Variants in CTXN3 observed in about 807,000 individuals in gnomAD.
The protein encoded by CTXN3 is cortexin-3.
A neutral mutation model predicts 5.0 loss-of-function variants in CTXN3; 4 were observed. The observed-to-expected ratio is 0.79, with a 90% confidence interval of 0.39 to 1.82. CTXN3 has a LOEUF of 1.82. Among genes scored for constraint, CTXN3 ranks in the 40% most tolerant of loss-of-function variants. The pLI is 0.04. For missense variants in CTXN3, 89 were observed against 99.7 expected, an observed-to-expected ratio of 0.89 and a Z score of 0.46; for synonymous variants, 48 against 38.6, an observed-to-expected ratio of 1.24 and a Z score of -0.91.
intron 2 of CTXN3, among the ~76,000 whole-genome samples, chr5:127,655,972 A>G (rs1486752418): frequency 6.6e-6 from 1 of 152,192 alleles, no homozygotes; most frequent in African/African-American, 2.4e-5. Flanking sequence ...TGAAGTGTCA[A>G]TATAATGCAA....
At chr5:127,650,958 A>T (rs1749772593) in intron 1 of CTXN3, among the ~76,000 whole-genome samples, 1 of 152,164 alleles carries the variant, frequency 6.6e-6, no homozygotes, top group African/African-American at 2.4e-5. Flanking sequence ...CAGTATCAGG[A>T]TGTGTATTAC....
intron 2 of CTXN3, among the ~76,000 whole-genome samples, chr5:127,655,517 T>G (rs889640403): frequency 6.6e-6 from 1 of 152,200 alleles, no homozygotes; most frequent in African/African-American, 2.4e-5. Flanking sequence ...GCCCAGCCCT[T>G]GGAGAATTTT....
At chr5:127,653,812 G>A (rs1749844926) in intron 2 of CTXN3, 1 of 152,182 alleles carries the variant, frequency 6.6e-6, no homozygotes, top group African/African-American at 2.4e-5. Flanking sequence ...AAATCAAGCA[G>A]ACTCTTCCAG....
At chr5:127,655,606 G>T (rs540409023) in intron 2 of CTXN3, among the ~76,000 whole-genome samples, 3 of 152,208 alleles carry the variant, frequency 2.0e-5, no homozygotes, top group African/African-American at 4.8e-5. Flanking sequence ...GAGGAGACCT[G>T]CATTGGAGGC....
At chr5:127,650,285 C>T (rs1749756801) in intron 1 of CTXN3, among the ~76,000 whole-genome samples, 1 of 152,142 alleles carries the variant, frequency 6.6e-6, no homozygotes, top group African/African-American at 2.4e-5. Context: ...TGGGGGCTGG[C>T]AACAGTTCTG....
rs1479766266 is a variant in CTXN3 at position 127,657,399 on chromosome 5, C to T, written c.-99-24C>T. 18 of 1,110,668 alleles carry T rather than the reference C, an allele frequency of 1.6e-5. No homozygotes were observed. In the East Asian group the frequency reaches 3.3e-4, roughly 21 times the overall value. The allele number at this position is 1,110,668 out of a possible 1,614,324, so 68.8% of individuals were successfully genotyped here. A position where few individuals can be genotyped will look rare whatever the true frequency, so the allele number is the denominator to read the frequency against. On this transcript the variant is annotated intron_variant, in intron 2 of 2. Transcript: ENST00000379445. ...TAAGGCTGCTATTTTATAGGTATTCCTTTCCCTTCCTTTTTCCCTGCAGAT... is the reference window on the plus strand; with the variant it reads ...TAAGGCTGCTATTTTATAGGTATTCTTTTCCCTTCCTTTTTCCCTGCAGAT...
At position 127,658,607 on chromosome 5, in the gene CTXN3, C is replaced by G. The variant is rs1164956489; in HGVS notation, c.*840C>G. 1 of 166,702 alleles carries G rather than the reference C, an allele frequency of 6.0e-6. No homozygotes were observed. The highest frequency in any genetic ancestry group is 1.9e-4 in the East Asian group (1 of 5,194). 10.3% of individuals were successfully genotyped at this position (166,702 alleles called of 1,614,324 possible). The stretch of plus-strand genomic sequence containing the variant: ...GTGTATTTATGATTGTATATAGTCA[C>G]CAAATAAAACTTTTCAAGAAACAGA... On this transcript the variant is annotated 3_prime_UTR_variant, in exon 3 of 3. Coordinates refer to ENST00000379445, the MANE Select transcript of CTXN3 (RefSeq NM_001048252.3).
chr5:127,650,098 T>C (rs1026073690), intron 1 of CTXN3, among the ~76,000 whole-genome samples: 2 of 151,952 alleles, frequency 1.3e-5, no homozygotes, highest in Middle Eastern at 3.2e-3. Flanking sequence ...AAGATGAAGA[T>C]GGGGAAGAAG....
chr5:127,653,925 C>A (rs1057234531), intron 2 of CTXN3, among the ~76,000 whole-genome samples: 7 of 152,156 alleles, frequency 4.6e-5, no homozygotes, highest in Admixed American at 1.3e-4. Context: ...TACCCACCAT[C>A]CCTCATCCCT....
intron 1 of CTXN3, chr5:127,652,296 G>C (rs1162746478): frequency 6.6e-6 from 1 of 152,204 alleles, no homozygotes; most frequent in Non-Finnish European, 1.5e-5. Context: ...TTGATGACTT[G>C]TGCTTTTGTT....
At chr5:127,656,780 C>G (rs534183685) in intron 2 of CTXN3, among the ~76,000 whole-genome samples, 20 of 152,230 alleles carry the variant, frequency 1.3e-4, no homozygotes, top group Admixed American at 9.8e-4. Context: ...TATTACAGCA[C>G]CATGAAAGAT....
chr5:127,654,064 T>C (rs1749851521), intron 2 of CTXN3, among the ~76,000 whole-genome samples: 1 of 152,182 alleles, frequency 6.6e-6, no homozygotes, highest in South Asian at 2.1e-4. Flanking sequence ...TTTCCCCTCC[T>C]TCAGGTGGGA....
intron 2 of CTXN3, among the ~76,000 whole-genome samples, chr5:127,655,336 T>A (rs558646239): frequency 9.3e-4 from 141 of 152,288 alleles, no homozygotes; most frequent in African/African-American, 3.2e-3. Context: ...AGAACAGGAC[T>A]CTGGCCTCAT....
At chr5:127,652,909 C>T (rs1308054968) in intron 1 of CTXN3, 1 of 152,146 alleles carries the variant, frequency 6.6e-6, no homozygotes, top group Non-Finnish European at 1.5e-5. Context: ...AAATAAAACT[C>T]AGATCTTAAA....
In CTXN3 at chr5:127,657,895, T is replaced by C; in HGVS notation, c.*128T>C. The C allele has an allele frequency of 2.6e-6, 3 of 1,132,290 alleles. No individual in the cohort carries two copies. Among genetic ancestry groups the C allele is most frequent in the Non-Finnish European group, 3.7e-6 (3 of 801,466 alleles). 70.1% of individuals were successfully genotyped at this position (1,132,290 alleles called of 1,614,324 possible). On this transcript the variant is annotated 3_prime_UTR_variant, in exon 3 of 3. Coordinates refer to ENST00000379445, the MANE Select transcript of CTXN3 (RefSeq NM_001048252.3). Reference sequence around the variant, plus strand: ...TTGGTCCCAGGACCATAATCCATTATTCCATAAATATGCAGTTGGGTTAAA... The same window carrying C: ...TTGGTCCCAGGACCATAATCCATTACTCCATAAATATGCAGTTGGGTTAAA...
chr5:127,649,829 A>T (rs1749747474), intron 1 of CTXN3, among the ~76,000 whole-genome samples: 1 of 152,150 alleles, frequency 6.6e-6, no homozygotes, highest in South Asian at 2.1e-4. Flanking sequence ...TCCCTGGCTG[A>T]TAAGCTGTGT....
At chr5:127,649,735 C>A (rs962781989) in intron 1 of CTXN3, among the ~76,000 whole-genome samples, 1 of 151,790 alleles carries the variant, frequency 6.6e-6, no homozygotes, top group Non-Finnish European at 1.5e-5. Flanking sequence ...CCTAAAACGT[C>A]CAACCTTCCA....
At chr5:127,650,313 C>G (rs1232309248) in intron 1 of CTXN3, among the ~76,000 whole-genome samples, 1 of 152,108 alleles carries the variant, frequency 6.6e-6, no homozygotes, top group Non-Finnish European at 1.5e-5. Flanking sequence ...CTGTTGACAT[C>G]TGTAGCTGAA....
chr5:127,655,994 A>G (rs1379924143), intron 2 of CTXN3, among the ~76,000 whole-genome samples: 3 of 152,194 alleles, frequency 2.0e-5, no homozygotes, highest in Non-Finnish European at 4.4e-5. Flanking sequence ...CTGTTATGCT[A>G]TGATTACTAA....
Sources: gnomAD v4.1 joint callset for allele counts (sites outside exome capture counted in the v4.1 genomes callset) on GRCh38, gnomAD v4.1.1 for gene constraint, MANE v1.5 for transcripts, NCBI Gene and HGNC (gene_info 2026-07-23, HGNC 2026-07-21) for gene names.